The following SH3BP4 variants were observed in gnomAD, a reference collection of about 807,000 sequenced individuals.
SH3BP4 encodes SH3 domain binding protein 4.
A neutral mutation model predicts 65.5 loss-of-function variants in SH3BP4; 33 were observed. The ratio of observed to expected loss-of-function variants is 0.50; its 90% CI spans 0.38 to 0.67. SH3BP4 has a LOEUF of 0.67. Ranked by LOEUF, SH3BP4 falls within the 30% of genes least tolerant of loss-of-function variation. The probability of loss-of-function intolerance (pLI) is 0.00; values close to 1 mark genes in which losing one functional copy is unlikely to be tolerated. For missense variants in SH3BP4, 1,134 were observed against 1,261.4 expected (o/e 0.90, Z 1.53); for synonymous variants, 552 against 545.5 (o/e 1.01, Z -0.17).
chr2:235,015,451 A>G (rs1444856203), intron 2 of SH3BP4, among the ~76,000 whole-genome samples: 1 of 152,172 alleles, frequency 6.6e-6, no homozygotes, highest in East Asian at 1.9e-4. Flanking sequence ...CCTATGGTCG[A>G]TGGGGACAGT....
At chr2:234,970,441 A>G (rs946475017) in intron 1 of SH3BP4, among the ~76,000 whole-genome samples, 1 of 152,226 alleles carries the variant, frequency 6.6e-6, no homozygotes, top group Admixed American at 6.5e-5. Flanking sequence ...CGATAGGCCC[A>G]ACTGGGATTG....
Position 235,041,648 on chromosome 2 carries a change from G to T in SH3BP4, c.879G>T (p.Leu293=), listed in dbSNP as rs753730863. 3.1e-6 allele frequency: 5 copies of T among 1,613,846 alleles called. No homozygotes were observed. Among genetic ancestry groups the T allele is most frequent in the Non-Finnish European group, 4.2e-6 (5 of 1,180,004 alleles). Residue 293 remains leucine (L), a synonymous_variant, in exon 4 of 6, where the codon CTG becomes CTT. Transcript: ENST00000392011. The surrounding 1 kb of genome is among the most constrained non-coding windows in gnomAD (Gnocchi z 6.0). ...FRTAWLNHRK[L]ARSCHDLDLL... is the part of the protein sequence containing the mutation. ...CTGCCTGGCTAAACCACAGGAAGCTGGCCCGGTCTTGCCACGACCTGGACT... is the reference window on the plus strand; with the variant it reads ...CTGCCTGGCTAAACCACAGGAAGCTTGCCCGGTCTTGCCACGACCTGGACT...
chr2:235,049,409 G>A (rs926917089), intron 4 of SH3BP4, among the ~76,000 whole-genome samples: 1 of 152,216 alleles, frequency 6.6e-6, no homozygotes, highest in African/African-American at 2.4e-5. Context: ...CACACAGCCA[G>A]ATTAGCTTGG....
chr2:235,038,373 ATACATATATAT>A (rs1559254605), intron 3 of SH3BP4, among the ~76,000 whole-genome samples: 2 of 41,970 alleles, frequency 4.8e-5, no homozygotes, highest in African/African-American at 3.2e-4. Context: ...TATAATATAT[ATACATATATAT>A]ATATATATAT....
chr2:235,038,311 A>T (rs1465113752), intron 3 of SH3BP4, among the ~76,000 whole-genome samples: 1 of 20,216 alleles, frequency 4.9e-5, no homozygotes, highest in Non-Finnish European at 7.6e-5. Flanking sequence ...ATATATATAT[A>T]TTATATATTA....
At chr2:235,051,423 G>A (rs903436293) in intron 4 of SH3BP4, among the ~76,000 whole-genome samples, 1 of 152,188 alleles carries the variant, frequency 6.6e-6, no homozygotes, top group African/African-American at 2.4e-5. Flanking sequence ...GTTTTTAGGA[G>A]GGAATTGAGT....
chr2:234,978,203 G>C lies in SH3BP4; in HGVS notation c.-206-17100G>C, dbSNP rs373690608. Among the ~76,000 whole-genome samples the C allele has an allele frequency of 1.3e-4, 20 of 152,298 alleles. No homozygotes were observed. In the East Asian group the frequency reaches 3.9e-3, roughly 29 times the overall value. Reference sequence around the variant, plus strand: ...ACTCCCGACCTCAGGTGATCCGCCTGCCTCAGCCTCCCAAAGTGCTGGGAT... The same window carrying C: ...ACTCCCGACCTCAGGTGATCCGCCTCCCTCAGCCTCCCAAAGTGCTGGGAT... On this transcript the variant is annotated intron_variant, in intron 1 of 5. Transcript: ENST00000392011. This position sits in a 1 kb window ranked among gnomAD's most constrained non-coding sequence, Gnocchi z 4.1.
chr2:235,028,965 A>G (rs1324600112), intron 2 of SH3BP4, among the ~76,000 whole-genome samples: 1 of 152,132 alleles, frequency 6.6e-6, no homozygotes, highest in African/African-American at 2.4e-5. Context: ...CTTCTAGGGC[A>G]CTGGAAGCTG....
At chr2:235,028,941 CTGA>C (rs1027106822) in intron 2 of SH3BP4, among the ~76,000 whole-genome samples, 1 of 151,990 alleles carries the variant, frequency 6.6e-6, no homozygotes, top group Non-Finnish European at 1.5e-5. Flanking sequence ...GGGACAGGGG[CTGA>C]TGATGTTGGG....
At position 234,982,096 on chromosome 2, in the gene SH3BP4, C is replaced by T. The variant is rs1307777460; in HGVS notation, c.-206-13207C>T. 2.0e-5 allele frequency among the ~76,000 whole-genome samples: 3 copies of T among 152,138 alleles called. No individual in the cohort carries two copies. The East Asian group carries it at 5.8e-4, about 29-fold the overall frequency. ...CCATTTGAATATCCGGGGTAATGTA[C>T]ACTAAAACATTATTAGTTGTGCACC... On this transcript the variant is annotated intron_variant, in intron 1 of 5. Coordinates refer to ENST00000392011, the MANE Select transcript of SH3BP4 (RefSeq NM_014521.3).
At position 235,041,541 on chromosome 2, in the gene SH3BP4, G is replaced by T; in HGVS notation, c.772G>T (p.Asp258Tyr). The T allele has an allele frequency of 6.2e-7, 1 of 1,614,110 alleles. No individual in the cohort carries two copies. Among genetic ancestry groups the T allele is most frequent in the Non-Finnish European group, 8.5e-7 (1 of 1,180,034 alleles). Residue 258 changes from aspartate to tyrosine, a missense_variant, in exon 4 of 6, where the codon GAT becomes TAT. By Grantham distance (160) the Asp-to-Tyr change is radical (BLOSUM62 -3). Transcript: ENST00000392011. This position sits in a 1 kb window ranked among gnomAD's most constrained non-coding sequence, Gnocchi z 6.0. ...SELSVLQAKSDAPTSSSFFTG... is the reference protein window; with the variant it reads ...SELSVLQAKSYAPTSSSFFTG... ...ACTCTCCGTCCTCCAAGCCAAGTCC[G>T]ATGCTCCCACATCGTCGAGTTTCTT...
intron 1 of SH3BP4, among the ~76,000 whole-genome samples, chr2:234,964,881 T>TG (rs1410022816): frequency 2.6e-5 from 4 of 151,782 alleles, no homozygotes; most frequent in Non-Finnish European, 5.9e-5. Context: ...GCACAGGGGG[T>TG]GACCCATCCA....
rs1695611657 is a variant in SH3BP4 at position 235,040,923 on chromosome 2, A to T, written c.154A>T (p.Thr52Ser). ...SPSALLVDNP[T>S]PFGNAKEVIA... ...CAGTGCCTTGCTCGTAGACAACCCC[A>T]CACCTTTCGGAAATGCAAAGGAAGT... is the stretch of plus-strand genomic sequence containing the variant. Residue 52 changes from threonine (T) to serine (S), a missense_variant, in exon 4 of 6, where the codon ACA becomes TCA. Thr to Ser is a moderately conservative substitution (Grantham distance 58). Coordinates refer to ENST00000392011, the MANE Select transcript of SH3BP4 (RefSeq NM_014521.3). 1.2e-6 allele frequency: 2 copies of T among 1,613,704 alleles called. No individual in the cohort carries two copies. Among genetic ancestry groups the T allele is most frequent in the Non-Finnish European group, 1.7e-6 (2 of 1,179,830 alleles).
At chr2:235,014,400 C>A (rs1200235848) in intron 2 of SH3BP4, among the ~76,000 whole-genome samples, 4 of 152,180 alleles carry the variant, frequency 2.6e-5, no homozygotes, top group African/African-American at 9.7e-5. Context: ...GGAAGAAGTG[C>A]CCACATGGCA....
At position 235,034,131 on chromosome 2, in the gene SH3BP4, C is replaced by A. The variant is rs1242799243; in HGVS notation, c.-132-740C>A. On this transcript the variant is annotated intron_variant, in intron 2 of 5. Transcript: ENST00000392011. This position sits in a 1 kb window ranked among gnomAD's most constrained non-coding sequence, Gnocchi z 6.2. ...CACCTCATTCATATCCAGAACCCCC[C>A]ACATGCTTCAGTCCTGTCTGTGCGC... is the stretch of plus-strand genomic sequence containing the variant. 1.3e-5 allele frequency among the ~76,000 whole-genome samples: 2 copies of A among 152,222 alleles called. No individual in the cohort carries two copies. Among genetic ancestry groups the A allele is most frequent in the Non-Finnish European group, 2.9e-5 (2 of 68,018 alleles).
chr2:235,030,277 C>T lies in SH3BP4; in HGVS notation c.-132-4594C>T, dbSNP rs1169157338. Among the ~76,000 whole-genome samples, 2 of 152,076 alleles carry T rather than the reference C, an allele frequency of 1.3e-5. No homozygotes were observed. The highest frequency in any genetic ancestry group is 1.9e-4 in the East Asian group (1 of 5,188). On this transcript the variant is annotated intron_variant, in intron 2 of 5. Coordinates refer to ENST00000392011, the MANE Select transcript of SH3BP4 (RefSeq NM_014521.3). This position sits in a 1 kb window ranked among gnomAD's most constrained non-coding sequence, Gnocchi z 4.1. ...CAGCGAAGGCCTGAGCAACTCTGGG[C>T]GTGGGAAGAAATAGTTAGCAAGACT...
In SH3BP4 at chr2:235,030,429, C is replaced by T. The variant is rs1695146384; in HGVS notation, c.-132-4442C>T. Reference sequence around the variant, plus strand: ...TGCAGCCAAGTCTGGTACCTGCTGCCTAGGGCCCTTGAGGACGCAGTGGGA... The same window carrying T: ...TGCAGCCAAGTCTGGTACCTGCTGCTTAGGGCCCTTGAGGACGCAGTGGGA... On this transcript the variant is annotated intron_variant, in intron 2 of 5. Transcript: ENST00000392011. The surrounding 1 kb of genome is among the most constrained non-coding windows in gnomAD (Gnocchi z 4.1). Among the ~76,000 whole-genome samples, 1 of 152,176 alleles carries T rather than the reference C, an allele frequency of 6.6e-6. No homozygotes were observed. Among genetic ancestry groups the T allele is most frequent in the African/African-American group, 2.4e-5 (1 of 41,448 alleles).
chr2:235,040,761 T>A (rs938342936), intron 3 of SH3BP4, 127 bp from the exon 4 acceptor site: 1 of 785,112 alleles, frequency 1.3e-6, no homozygotes. Context: ...TTGGTTTGTT[T>A]CTGTTGGTGA....
At chr2:234,982,037 A>G (rs1207283487) in intron 1 of SH3BP4, among the ~76,000 whole-genome samples, 2 of 152,138 alleles carry the variant, frequency 1.3e-5, no homozygotes, top group African/African-American at 4.8e-5. Context: ...AGTGGGGTCC[A>G]GGTTGAGCAA....
Sources: gnomAD v4.1 joint callset for allele counts (sites outside exome capture counted in the v4.1 genomes callset) on GRCh38, gnomAD v4.1.1 for gene constraint, Gnocchi (gnomAD v3.1) non-coding constraint, MANE v1.5 for transcripts, NCBI Gene and HGNC (gene_info 2026-07-23, HGNC 2026-07-21) for gene names.